NCAM1: variants seen among roughly 807,000 people sequenced by gnomAD.
The protein encoded by NCAM1 is neural cell adhesion molecule 1, also known as antigen recognized by monoclonal antibody 5.1H11.
Under a neutral mutation model 109.8 loss-of-function variants are expected in NCAM1, and 14 were observed. The observed-to-expected ratio is 0.13, with a 90% CI of 0.08 to 0.20. The LOEUF is 0.20. Ranked by LOEUF, NCAM1 falls within the 10% of genes least tolerant of loss-of-function variation. The pLI, the probability that NCAM1 is intolerant of heterozygous loss-of-function variation, is 1.00. For synonymous variants in NCAM1, 418 were observed against 442.9 expected (o/e 0.94, Z 0.70); for missense variants, 774 against 1,109.9 (o/e 0.70, Z 4.30).
chr11:113,193,754 G>A (rs1943769005), intron 1 of NCAM1, among the ~76,000 whole-genome samples: 1 of 152,130 alleles, frequency 6.6e-6, no homozygotes, highest in Admixed American at 6.6e-5. Context: ...TGGGGACTGG[G>A]AATTGGTGGT....
rs1555108634 is a variant in NCAM1, at chr11:113,185,068, T to TATATATATATATATATA, written c.53-17311_53-17310insATATATATATATATATA. Reference sequence around the variant, plus strand: ...TATGTGTATGTGTGTGCATTTATATTTATATATATATAGAGAGAGAGAGAG... The same window carrying TATATATATATATATATA: ...TATGTGTATGTGTGTGCATTTATATTATATATATATATATATATATATATATATAGAGAGAGAGAGAG... On this transcript the variant is annotated intron_variant, in intron 1 of 19. Coordinates refer to ENST00000316851, the MANE Select transcript of NCAM1 (RefSeq NM_181351.5). Among the ~76,000 whole-genome samples, 50 of 99,570 alleles carry TATATATATATATATATA rather than the reference T, an allele frequency of 5.0e-4. 2 individuals carry two copies. Among genetic ancestry groups the TATATATATATATATATA allele is most frequent in the Non-Finnish European group, 8.7e-4 (45 of 51,786 alleles). 65.3% of individuals were successfully genotyped at this position (99,570 alleles called of 152,430 possible).
chr11:112,992,936 T>C (rs1237271577), intron 1 of NCAM1, among the ~76,000 whole-genome samples: 1 of 152,240 alleles, frequency 6.6e-6, no homozygotes, highest in Non-Finnish European at 1.5e-5. Flanking sequence ...ATTTTTGTCC[T>C]TATTTGTTGA....
Position 113,275,669 on chromosome 11 carries a change from C to A in NCAM1, c.*282C>A. ...AACCCACAGCCAAACTAGGACACTCCGTTCCCTGAAACCGTTAAAAAATCA... is the reference window on the plus strand; with the variant it reads ...AACCCACAGCCAAACTAGGACACTCAGTTCCCTGAAACCGTTAAAAAATCA... On this transcript the variant is annotated 3_prime_UTR_variant, in exon 20 of 20. Coordinates refer to ENST00000316851, the MANE Select transcript of NCAM1 (RefSeq NM_181351.5). 1 of 263,810 alleles carries A rather than the reference C, an allele frequency of 3.8e-6. No homozygotes were observed. The highest frequency in any genetic ancestry group is 7.1e-6 in the Non-Finnish European group (1 of 140,506). 16.3% of individuals were successfully genotyped at this position (263,810 alleles called of 1,614,324 possible).
intron 1 of NCAM1, among the ~76,000 whole-genome samples, chr11:113,185,054 G>A (rs1943458226): frequency 8.5e-6 from 1 of 117,318 alleles, no homozygotes. Context: ...ATGTGTATGT[G>A]TGTGCATTTA....
At chr11:113,142,436 C>T (rs1265334108) in intron 1 of NCAM1, among the ~76,000 whole-genome samples, 10 of 152,152 alleles carry the variant, frequency 6.6e-5, no homozygotes, top group Admixed American at 6.5e-4. Flanking sequence ...CACTTTACCC[C>T]CTTTTGAAAA....
At chr11:113,098,988 T>A (rs1555091003) in intron 1 of NCAM1, among the ~76,000 whole-genome samples, 1 of 152,242 alleles carries the variant, frequency 6.6e-6, no homozygotes, top group Non-Finnish European at 1.5e-5. Flanking sequence ...TTCTCTGACG[T>A]ATCTCTCAGT....
chr11:113,013,318 C>T (rs374062058), intron 1 of NCAM1, among the ~76,000 whole-genome samples: 2 of 149,452 alleles, frequency 1.3e-5, no homozygotes, highest in African/African-American at 4.9e-5. Flanking sequence ...CCCAGCTACC[C>T]GGGAGGCTGA....
intron 1 of NCAM1, among the ~76,000 whole-genome samples, chr11:113,040,579 T>G (rs993107305): frequency 1.5e-4 from 23 of 152,342 alleles, no homozygotes; most frequent in African/African-American, 5.3e-4. Context: ...ATGCTGTAGT[T>G]TGTCTACCCT....
chr11:113,120,585 A>G (rs1459173722), intron 1 of NCAM1, among the ~76,000 whole-genome samples: 1 of 152,194 alleles, frequency 6.6e-6, no homozygotes, highest in Non-Finnish European at 1.5e-5. Flanking sequence ...ATCCGAGGAT[A>G]TAAGGCTTGG....
At chr11:113,071,535 C>T (rs1026757324) in intron 1 of NCAM1, among the ~76,000 whole-genome samples, 1 of 151,766 alleles carries the variant, frequency 6.6e-6, no homozygotes, top group Admixed American at 6.6e-5. Context: ...ACACCATTCT[C>T]CTGCCTCAGC....
At chr11:113,231,905 G>C in intron 10 of NCAM1, 110 bp downstream of exon 10, 1 of 1,406,018 alleles carries the variant, frequency 7.1e-7, no homozygotes, top group Non-Finnish European at 9.9e-7. Flanking sequence ...TTCTGCTTAC[G>C]TTCCCTGCAG....
At chr11:113,174,172 G>A (rs891231488) in intron 1 of NCAM1, among the ~76,000 whole-genome samples, 2 of 152,092 alleles carry the variant, frequency 1.3e-5, no homozygotes, top group African/African-American at 4.8e-5. Flanking sequence ...AAGATTTCCT[G>A]GCAATCCTGT....
chr11:113,123,696 C>T (rs1339073542), intron 1 of NCAM1, among the ~76,000 whole-genome samples: 3 of 152,184 alleles, frequency 2.0e-5, no homozygotes, highest in African/African-American at 7.2e-5. Context: ...CAGGGGACTC[C>T]CTGTCCTGTG....
chr11:113,042,819 C>G (rs976465993), intron 1 of NCAM1, among the ~76,000 whole-genome samples: 18 of 152,136 alleles, frequency 1.2e-4, no homozygotes, highest in African/African-American at 3.9e-4. Context: ...CCCCGCTCGC[C>G]CCTTCACCCG....
chr11:113,167,880 A>C (rs1213090735), intron 1 of NCAM1, among the ~76,000 whole-genome samples: 1 of 152,092 alleles, frequency 6.6e-6, no homozygotes, highest in Admixed American at 6.5e-5. Context: ...GGCAGGGTGT[A>C]TTACTGTTGT....
At chr11:113,108,749 G>A (rs1185900831) in intron 1 of NCAM1, among the ~76,000 whole-genome samples, 1 of 150,196 alleles carries the variant, frequency 6.7e-6, no homozygotes, top group Non-Finnish European at 1.5e-5. Context: ...ATGCTATGAA[G>A]TATATGATAC....
chr11:113,193,809 A>G (rs1943770752), intron 1 of NCAM1, among the ~76,000 whole-genome samples: 1 of 152,160 alleles, frequency 6.6e-6, no homozygotes, highest in Admixed American at 6.5e-5. Context: ...ACTTCTGAGG[A>G]GATCAACCAA....
At chr11:113,261,320 A>C (rs377258823) in intron 17 of NCAM1, among the ~76,000 whole-genome samples, 2 of 152,076 alleles carry the variant, frequency 1.3e-5, no homozygotes, top group East Asian at 3.9e-4. Context: ...ATGTGCAAAA[A>C]TGGGCTAGGA....
chr11:113,191,046 G>T (rs1555109783), intron 1 of NCAM1, among the ~76,000 whole-genome samples: 1 of 152,202 alleles, frequency 6.6e-6, no homozygotes, highest in African/African-American at 2.4e-5. Context: ...AATAAGGAAA[G>T]GTATGGCTTA....
Sources: allele counts gnomAD v4.1 joint callset (sites outside exome capture counted in the v4.1 genomes callset), GRCh38; gene constraint gnomAD v4.1.1; transcripts MANE v1.5; gene names NCBI Gene and HGNC (gene_info 2026-07-23, HGNC 2026-07-21).